The following WHRN variants were observed in gnomAD, a reference collection of about 807,000 sequenced individuals.
WHRN encodes CASK-interacting protein CIP98.
In WHRN, 41 loss-of-function variants were observed where a neutral mutation model predicts 68.3. The observed-to-expected ratio is 0.60, with a 90% CI of 0.47 to 0.78. The LOEUF is 0.78. Among genes scored for constraint, WHRN ranks in the 30% least tolerant of loss-of-function variants. The pLI, the probability that WHRN is intolerant of heterozygous loss-of-function variation, is 0.00. For synonymous variants in WHRN, 560 were observed against 561.3 expected, an observed-to-expected ratio of 1.00 and a Z score of 0.03; for missense variants, 1,243 against 1,244.7, an observed-to-expected ratio of 1.00 and a Z score of 0.02.
intron 7 of WHRN, among the ~76,000 whole-genome samples, chr9:114,414,073 T>G (rs931427105): frequency 1.3e-5 from 2 of 152,228 alleles, no homozygotes; most frequent in African/African-American, 4.8e-5. Context: ...CTGGGGGAAC[T>G]GTTACATCTT....
At chr9:114,466,092 G>A (rs1309960093) in intron 3 of WHRN, among the ~76,000 whole-genome samples, 175 bp downstream of exon 3, 1 of 152,348 alleles carries the variant, frequency 6.6e-6, no homozygotes, top group East Asian at 1.9e-4. Context: ...CTGCGTAGGC[G>A]GCCACCCCGC....
At chr9:114,422,954 C>T (rs954508923) in intron 7 of WHRN, among the ~76,000 whole-genome samples, 5 of 152,266 alleles carry the variant, frequency 3.3e-5, no homozygotes, top group African/African-American at 7.2e-5. Context: ...GAGTGCCCAG[C>T]GGGAGTGGGC....
At position 114,487,188 on chromosome 9, in the gene WHRN, A is replaced by AAT. The variant is rs1564218605; in HGVS notation, c.619-8418_619-8417insAT. Among the ~76,000 whole-genome samples, 3 of 136,504 alleles carry AAT rather than the reference A, an allele frequency of 2.2e-5. No homozygotes were observed. In the South Asian group the frequency reaches 6.9e-4, roughly 31 times the overall value. The allele number at this position is 136,504 out of a possible 152,430, so 89.6% of individuals were successfully genotyped here. The stretch of plus-strand genomic sequence containing the variant: ...CCTAGGTAAGAGATACCAAAAAAAA[A>AAT]TTTTTTTTTTTTTTTTGTCTAACAA... On this transcript the variant is annotated intron_variant, in intron 1 of 11. Transcript: ENST00000362057.
At chr9:114,440,917 T>C (rs995702064) in intron 3 of WHRN, among the ~76,000 whole-genome samples, 6 of 152,196 alleles carry the variant, frequency 3.9e-5, no homozygotes, top group African/African-American at 1.4e-4. Flanking sequence ...CCCTATGAAG[T>C]GCCACTAGTG....
chr9:114,463,421 G>A (rs975206668), intron 3 of WHRN, among the ~76,000 whole-genome samples: 18 of 152,176 alleles, frequency 1.2e-4, no homozygotes, highest in African/African-American at 1.9e-4. Flanking sequence ...TAATCTTTAC[G>A]TTTCTGGGGA....
At chr9:114,460,193 T>C (rs1052560775) in intron 3 of WHRN, among the ~76,000 whole-genome samples, 4 of 152,228 alleles carry the variant, frequency 2.6e-5, no homozygotes, top group African/African-American at 9.6e-5. Flanking sequence ...CCTTTTGATA[T>C]TTAATCAAGT....
intron 3 of WHRN, among the ~76,000 whole-genome samples, chr9:114,458,666 G>C (rs532689485): frequency 2.4e-4 from 36 of 152,174 alleles, no homozygotes; most frequent in Non-Finnish European, 4.3e-4. Flanking sequence ...CAGGCACTTT[G>C]GTGGGCACCA....
chr9:114,486,931 T>TGCAGA (rs1564217247), intron 1 of WHRN, among the ~76,000 whole-genome samples: 1 of 48,554 alleles, frequency 2.1e-5, no homozygotes, highest in African/African-American at 4.6e-5. Flanking sequence ...GTGTAGAGTG[T>TGCAGA]GTGTGTGTGT....
At chr9:114,496,525 T>TCCAA (rs1280178830) in intron 1 of WHRN, among the ~76,000 whole-genome samples, 1 of 151,950 alleles carries the variant, frequency 6.6e-6, no homozygotes, top group Non-Finnish European at 1.5e-5. Flanking sequence ...CCTAAAAAAA[T>TCCAA]CCAACCAACC....
At chr9:114,451,458 A>T (rs1839324390) in intron 3 of WHRN, among the ~76,000 whole-genome samples, 1 of 152,216 alleles carries the variant, frequency 6.6e-6, no homozygotes, top group African/African-American at 2.4e-5. Flanking sequence ...TCACCTGGAC[A>T]GGGCTGGGCC....
Position 114,402,923 on chromosome 9 carries a change from G to T in WHRN, c.2555C>A (p.Ala852Asp), listed in dbSNP as rs1320526272. 2 of 1,611,058 alleles carry T rather than the reference G, an allele frequency of 1.2e-6. No individual in the cohort carries two copies. The highest frequency in any genetic ancestry group is 8.5e-7 in the Non-Finnish European group (1 of 1,179,046). ...CACCTTGAGCTGCCCACAGTTGTGA[G>T]CTGAGCCGCCTCTCTGCAGGGAGGA... ...RIVTIQRGGS[A>D]HNCGQLKVGH... Residue 852 changes from alanine (A) to aspartate (D), a missense_variant, in exon 12 of 12, where the codon GCT becomes GAT. By Grantham distance (126) the Ala-to-Asp change is moderately radical. Coordinates refer to ENST00000362057, the MANE Select transcript of WHRN (RefSeq NM_015404.4).
Position 114,504,389 on chromosome 9 carries a change from A to T in WHRN, c.413T>A (p.Val138Glu), listed in dbSNP as rs774215581. ...GGPDSAGPGE[V>E]RLVSLRRAKA... ...GGCACGCCGCAAACTCACCAGGCGC[A>T]CCTCCCCTGGCCCCGCGCTGTCGGG... The change falls in exon 1 of 12, where the codon GTG becomes GAG. Residue 138 changes from valine (V) to glutamate (E), a missense_variant. Coordinates refer to ENST00000362057, the MANE Select transcript of WHRN (RefSeq NM_015404.4). The T allele has an allele frequency of 1.9e-6, 3 of 1,605,154 alleles. No individual in the cohort carries two copies. The highest frequency in any genetic ancestry group is 2.5e-6 in the Non-Finnish European group (3 of 1,179,612).
At chr9:114,499,681 C>G in intron 1 of WHRN, among the ~76,000 whole-genome samples, 1 of 152,294 alleles carries the variant, frequency 6.6e-6, no homozygotes, top group South Asian at 2.1e-4. Flanking sequence ...GGCACATGAG[C>G]GAGGGGCTGC....
At chr9:114,472,214 G>A (rs969079575) in intron 2 of WHRN, among the ~76,000 whole-genome samples, 4 of 152,154 alleles carry the variant, frequency 2.6e-5, no homozygotes, top group East Asian at 1.9e-4. Flanking sequence ...TGGACAGTCC[G>A]GCTGGAACCT....
rs117554637 is a variant in WHRN at position 114,460,465 on chromosome 9, C to T, written c.963+5802G>A. Among the ~76,000 whole-genome samples, 278 of 152,328 alleles carry T rather than the reference C, an allele frequency of 1.8e-3. 9 individuals are homozygous for T. The South Asian group carries it at 0.034, about 18-fold the overall frequency. ...CAACTGCTATCATTATGATTAATTT[C>T]AAATGCTAGTCAATCTCAGTTGTCC... is the stretch of plus-strand genomic sequence containing the variant. On this transcript the variant is annotated intron_variant, in intron 3 of 11. Coordinates refer to ENST00000362057, the MANE Select transcript of WHRN (RefSeq NM_015404.4).
At chr9:114,457,724 T>G (rs1409129497) in intron 3 of WHRN, among the ~76,000 whole-genome samples, 1 of 152,084 alleles carries the variant, frequency 6.6e-6, no homozygotes, top group Admixed American at 6.5e-5. Flanking sequence ...GAAACCCGCC[T>G]GGCCAACGTG....
chr9:114,462,795 T>C (rs1168943200), intron 3 of WHRN, among the ~76,000 whole-genome samples: 2 of 152,224 alleles, frequency 1.3e-5, no homozygotes, highest in East Asian at 1.9e-4. Flanking sequence ...AAGAACATTC[T>C]TTTTTAAAAT....
At position 114,406,526 on chromosome 9, in the gene WHRN, G is replaced by C. The variant is rs1489343925; in HGVS notation, c.2065C>G (p.Leu689Val). ...GTGGCCTCTGCAGAGGGGCTTTTCA[G>C]GTGCGGGGGTGACTGGACCCGTGGG... ...PFPRVQSPPH[L>V]KSPSAEATVA... Residue 689 changes from leucine to valine, a missense_variant, in exon 9 of 12, where the codon CTG (leucine) becomes GTG (valine). Physicochemically the swap from Leu to Val is conservative, Grantham distance 32. Transcript: ENST00000362057. 1 of 1,613,856 alleles carries C rather than the reference G, an allele frequency of 6.2e-7. No individual in the cohort carries two copies. Among genetic ancestry groups the C allele is most frequent in the Admixed American group, 1.7e-5 (1 of 60,020 alleles).
At position 114,423,500 on chromosome 9, in the gene WHRN, T is replaced by C. The variant is rs2132360865; in HGVS notation, c.1440A>G (p.Arg480=). ...HAKFSLLSEV[R]GTISPQDLER... ...CTAGGTCTTGCGGGGAAATGGTGCC[T>C]CTCACCTCAGAGAGGAGTGAGAACT... Residue 480 remains arginine, a synonymous_variant, in exon 7 of 12, where the codon AGA becomes AGG. Transcript: ENST00000362057. The C allele has an allele frequency of 6.2e-7, 1 of 1,611,448 alleles. No individual in the cohort carries two copies. The highest frequency in any genetic ancestry group is 1.3e-5 in the African/African-American group (1 of 74,880).
Sources: gnomAD v4.1 joint callset for allele counts (sites outside exome capture counted in the v4.1 genomes callset) on GRCh38, gnomAD v4.1.1 for gene constraint, MANE v1.5 for transcripts, NCBI Gene and HGNC (gene_info 2026-07-23, HGNC 2026-07-21) for gene names.